The following TNRC6A variants were observed in gnomAD, a reference collection of about 807,000 sequenced individuals.
The protein encoded by TNRC6A is trinucleotide repeat containing adaptor 6A, also known as trinucleotide repeat-containing gene 6A protein.
A neutral mutation model predicts 221.2 loss-of-function variants in TNRC6A; 44 were observed. The ratio of observed to expected loss-of-function variants is 0.20; its 90% CI spans 0.16 to 0.26. The LOEUF is 0.26. TNRC6A is among the 10% of genes least tolerant of loss of function. The pLI is 1.00. For missense variants in TNRC6A, 2,199 were observed against 2,404.4 expected (o/e 0.91, Z 1.79); for synonymous variants, 847 against 838.5 (o/e 1.01, Z -0.18).
intron 22 of TNRC6A, among the ~76,000 whole-genome samples, chr16:24,820,767 T>G (rs1372574577): frequency 6.6e-6 from 1 of 152,220 alleles, no homozygotes; most frequent in East Asian, 1.9e-4. Context: ...TGCTGTTGAT[T>G]AATCATACAT....
chr16:24,662,230 A>C (rs1459140350), intron 2 of TNRC6A: 1 of 152,080 alleles, frequency 6.6e-6, no homozygotes, highest in African/African-American at 2.4e-5. Flanking sequence ...CAGGAGGATT[A>C]CTGGAGTCCA....
At chr16:24,687,480 G>A (rs1165395459) in intron 2 of TNRC6A, among the ~76,000 whole-genome samples, 2 of 152,128 alleles carry the variant, frequency 1.3e-5, no homozygotes, top group African/African-American at 4.8e-5. Flanking sequence ...GGGCTCTAAT[G>A]GCAACAAACC....
chr16:24,687,815 A>G (rs1453973206), intron 2 of TNRC6A, among the ~76,000 whole-genome samples: 1 of 147,380 alleles, frequency 6.8e-6, no homozygotes, highest in African/African-American at 2.6e-5. Context: ...GGAGAGGAAG[A>G]GGAAGAGGAA....
At chr16:24,798,850 T>C (rs1044767368) in intron 11 of TNRC6A, among the ~76,000 whole-genome samples, 2 of 152,172 alleles carry the variant, frequency 1.3e-5, no homozygotes, top group African/African-American at 4.8e-5. Context: ...TATACAAGAC[T>C]TTAACAAGGA....
intron 9 of TNRC6A, 61 bp from the exon 10 acceptor site, chr16:24,797,429 C>A: frequency 8.0e-7 from 1 of 1,251,674 alleles, no homozygotes; most frequent in South Asian, 1.4e-5. Context: ...ATTAATCCGT[C>A]ACTATACCCA....
At chr16:24,652,094 A>G (rs1902702340) in intron 2 of TNRC6A, among the ~76,000 whole-genome samples, 1 of 152,078 alleles carries the variant, frequency 6.6e-6, no homozygotes, top group African/African-American at 2.4e-5. Context: ...TATTACTCAT[A>G]TAATTAAAAT....
At chr16:24,712,290 C>T (rs1184365732) in intron 2 of TNRC6A, among the ~76,000 whole-genome samples, 9 of 152,224 alleles carry the variant, frequency 5.9e-5, no homozygotes. Flanking sequence ...CAGGCATGAG[C>T]CACCACACCC....
In TNRC6A at chr16:24,787,771, T is replaced by C. The variant is rs151177990; in HGVS notation, c.590-1461T>C. 2.7e-3 allele frequency among the ~76,000 whole-genome samples: 406 copies of C among 152,342 alleles called. 4 individuals are homozygous for C. Among genetic ancestry groups the C allele is most frequent in the African/African-American group, 9.3e-3 (385 of 41,590 alleles). ...TTCCAGACTGTTTCCAGATCTTCTT[T>C]TGCTTCTTAATGATTGTGCTTTGAG... On this transcript the variant is annotated intron_variant, in intron 5 of 24. Coordinates refer to ENST00000395799, the MANE Select transcript of TNRC6A (RefSeq NM_014494.4).
At chr16:24,723,903 G>A (rs2151102502) in intron 2 of TNRC6A, among the ~76,000 whole-genome samples, 1 of 152,278 alleles carries the variant, frequency 6.6e-6, no homozygotes, top group Admixed American at 6.5e-5. Context: ...ATTCATCACT[G>A]CTGTGACTAT....
chr16:24,683,680 A>T (rs2055575380), intron 2 of TNRC6A, among the ~76,000 whole-genome samples: 1 of 152,290 alleles, frequency 6.6e-6, no homozygotes, highest in South Asian at 2.1e-4. Context: ...TCTGCCACCG[A>T]CTAGCTGTGC....
intron 2 of TNRC6A, among the ~76,000 whole-genome samples, chr16:24,660,317 A>G (rs2055002085): frequency 6.6e-6 from 1 of 152,112 alleles, no homozygotes; most frequent in South Asian, 2.1e-4. Context: ...CTTATGAGTG[A>G]GAACATACGA....
chr16:24,742,883 A>G (rs901277509), intron 2 of TNRC6A, among the ~76,000 whole-genome samples: 1 of 152,200 alleles, frequency 6.6e-6, no homozygotes, highest in Non-Finnish European at 1.5e-5. Context: ...GTGAGCCGAG[A>G]TCGAGCCATT....
intron 23 of TNRC6A, 27 bp from the exon 24 acceptor site, chr16:24,822,847 A>G: frequency 6.2e-7 from 1 of 1,612,334 alleles, no homozygotes; most frequent in East Asian, 2.2e-5. Context: ...GACGCCTCTC[A>G]CTGGCAGTTT....
intron 22 of TNRC6A, chr16:24,821,783 C>T (rs1443609882): frequency 2.5e-5 from 11 of 439,560 alleles, no homozygotes; most frequent in Middle Eastern, 6.1e-4. Context: ...TATTTTAGCT[C>T]CTATCAATGA....
chr16:24,673,491 G>A (rs530323776), intron 2 of TNRC6A, among the ~76,000 whole-genome samples: 2 of 152,282 alleles, frequency 1.3e-5, no homozygotes, highest in South Asian at 2.1e-4. Flanking sequence ...GTAGATTCTG[G>A]CAGGGTGTGA....
intron 1 of TNRC6A, among the ~76,000 whole-genome samples, chr16:24,612,420 G>A (rs774381452): frequency 1.1e-4 from 16 of 151,616 alleles, no homozygotes; most frequent in Admixed American, 9.9e-4. Context: ...TTTCTCCAGC[G>A]TCCACACAGT....
intron 9 of TNRC6A, among the ~76,000 whole-genome samples, chr16:24,797,262 A>G (rs2058238720): frequency 6.6e-6 from 1 of 152,138 alleles, no homozygotes; most frequent in South Asian, 2.1e-4. Flanking sequence ...GCTTGCCTTT[A>G]GAGATTTCTC....
Position 24,741,654 on chromosome 16 carries a change from G to T in TNRC6A, c.54-9072G>T, listed in dbSNP as rs539928662. ...TTGCAATCTGGGACCTTTAGCTGTT[G>T]GTTTTGCGTCCACCTAATTCTGCAT... is the stretch of plus-strand genomic sequence containing the variant. On this transcript the variant is annotated intron_variant, in intron 2 of 24. Coordinates refer to ENST00000395799, the MANE Select transcript of TNRC6A (RefSeq NM_014494.4). Among the ~76,000 whole-genome samples, 22 of 152,124 alleles carry T rather than the reference G, an allele frequency of 1.4e-4. No individual in the cohort carries two copies. In the South Asian group the frequency reaches 4.6e-3, roughly 32 times the overall value.
At chr16:24,753,486 C>T (rs2057181870) in intron 3 of TNRC6A, among the ~76,000 whole-genome samples, 1 of 152,214 alleles carries the variant, frequency 6.6e-6, no homozygotes. Flanking sequence ...TTCAAATAAT[C>T]AGCTTACAAC....
Sources: allele counts gnomAD v4.1 joint callset (sites outside exome capture counted in the v4.1 genomes callset), GRCh38; gene constraint gnomAD v4.1.1; transcripts MANE v1.5; gene names NCBI Gene and HGNC (gene_info 2026-07-23, HGNC 2026-07-21).